Variants in PRMT5 observed in about 807,000 individuals in gnomAD.
PRMT5 encodes the protein protein arginine N-methyltransferase 5.
PRMT5 carries 15 observed loss-of-function variants against 84.0 expected under a neutral mutation model. That is an observed-to-expected ratio of 0.18 (90% confidence interval 0.12 to 0.28). The LOEUF is 0.28. Ranked by LOEUF, PRMT5 falls within the 10% of genes least tolerant of loss-of-function variation. The probability of loss-of-function intolerance (pLI) is 1.00; values close to 1 mark genes in which losing one functional copy is unlikely to be tolerated. For synonymous variants in PRMT5, 276 were observed against 292.4 expected (o/e 0.94, Z 0.57); for missense variants, 486 against 808.0 (o/e 0.60, Z 4.83).
In PRMT5 at chr14:22,924,738, G is replaced by C. The variant is rs1320206563; in HGVS notation, c.940-29C>G. 1.9e-6 allele frequency: 3 copies of C among 1,608,664 alleles called. No homozygotes were observed. In the Admixed American group the frequency reaches 5.0e-5, roughly 27 times the overall value. Reference sequence around the variant, plus strand: ...ATGAATGAGGAAAAGGACAAAGTTAGCCAGTTTCTGGCAAAGGACAATGCA... The same window carrying C: ...ATGAATGAGGAAAAGGACAAAGTTACCCAGTTTCTGGCAAAGGACAATGCA... On this transcript the variant is annotated intron_variant, in intron 8 of 16. Coordinates refer to ENST00000324366, the MANE Select transcript of PRMT5 (RefSeq NM_006109.5). This position sits in a 1 kb window ranked among gnomAD's most constrained non-coding sequence, Gnocchi z 6.5.
At chr14:22,922,584 G>T in intron 14 of PRMT5, 25 bp from the exon 15 acceptor site, 1 of 1,584,126 alleles carries the variant, frequency 6.3e-7, no homozygotes, top group South Asian at 1.1e-5. Context: ...TTATGTGGGT[G>T]ACAAGGGGCC....
chr14:22,925,095 T>C, intron 7 of PRMT5, 55 bp from the exon 8 acceptor site: 2 of 1,585,358 alleles, frequency 1.3e-6, no homozygotes, highest in South Asian at 1.1e-5. Context: ...TTCTGGAATA[T>C]TATGGTATAT....
rs2044461539 is a variant in PRMT5, at chr14:22,927,883, A to AT, written c.316-224dup. On this transcript the variant is annotated intron_variant, in intron 3 of 16. Coordinates refer to ENST00000324366, the MANE Select transcript of PRMT5 (RefSeq NM_006109.5). ...ACCACCATGCCTGGCTAATTTTTGT[A>AT]TATTTTATAGAGATGGGGTTTCACT... 2.6e-5 allele frequency among the ~76,000 whole-genome samples: 4 copies of AT among 151,498 alleles called. No homozygotes were observed. The South Asian group carries it at 8.4e-4, about 32-fold the overall frequency.
intron 6 of PRMT5, 67 bp downstream of exon 6, chr14:22,926,439 A>G (rs1265108882): frequency 6.2e-7 from 1 of 1,600,122 alleles, no homozygotes. Flanking sequence ...CTATATATGA[A>G]ATTCCTGATT....
rs1402305196 is a variant in PRMT5, at chr14:22,929,343, C to G, written c.19G>C (p.Gly7Arg). The G allele has an allele frequency of 6.2e-6, 10 of 1,609,682 alleles. No homozygotes were observed. Among genetic ancestry groups the G allele is most frequent in the Non-Finnish European group, 8.5e-6 (10 of 1,178,886 alleles). Residue 7 changes from glycine (G) to arginine (R), a missense_variant, in exon 1 of 17, where the codon GGG (glycine) becomes CGG (arginine). Gly to Arg is a moderately radical substitution (Grantham distance 125). This residue lies in a region of PRMT5 where 51 missense variants were observed against 53.8 expected (regional missense o/e 0.95). Transcript: ENST00000324366. MAAMAV[G>R]GAGGSRVSSG... is the part of the protein sequence containing the mutation. ...GACACGCGGCTCCCACCAGCACCCC[C>G]GACCGCCATCGCCGCCATCTTTCTC...
At position 22,928,970 on chromosome 14, in the gene PRMT5, C is replaced by T; in HGVS notation, c.110+282G>A. On this transcript the variant is annotated intron_variant, in intron 1 of 16. Transcript: ENST00000324366. The surrounding 1 kb of genome is among the most constrained non-coding windows in gnomAD (Gnocchi z 4.8). ...ATTAGCCTCTTCTCTCCCTTGCCCC[C>T]TAACACCTCCTCCCACTCCCAGACA... is the stretch of plus-strand genomic sequence containing the variant. The T allele has an allele frequency of 1.5e-6, 1 of 683,670 alleles. No homozygotes were observed. The highest frequency in any genetic ancestry group is 2.4e-6 in the Non-Finnish European group (1 of 410,660). The allele number at this position is 683,670 out of a possible 1,614,324, so 42.4% of individuals were successfully genotyped here.
intron 7 of PRMT5, among the ~76,000 whole-genome samples, chr14:22,925,599 C>G (rs911909039): frequency 8.6e-5 from 13 of 151,994 alleles, no homozygotes; most frequent in South Asian, 2.1e-4. Context: ...GCGGGTGGAT[C>G]ATTTGAGGTC....
At position 22,926,773 on chromosome 14, in the gene PRMT5, T is replaced by C; in HGVS notation, c.492A>G (p.Arg164=). 1 of 1,614,158 alleles carries C rather than the reference T, an allele frequency of 6.2e-7. No homozygotes were observed. The highest frequency in any genetic ancestry group is 8.5e-7 in the Non-Finnish European group (1 of 1,180,028). The change falls in exon 5 of 17, where the codon AGA becomes AGG. Residue 164 remains arginine, a synonymous_variant. Coordinates refer to ENST00000324366, the MANE Select transcript of PRMT5 (RefSeq NM_006109.5). ...RVPLVAPEDL[R]DDIIENAPTT... Reference sequence around the variant, plus strand: ...TTGGTGCATTCTCAATTATATCATCTCTCAGGTCCTCTGGTGCCACCAAGG... The same window carrying C: ...TTGGTGCATTCTCAATTATATCATCCCTCAGGTCCTCTGGTGCCACCAAGG...
Position 22,926,817 on chromosome 14 carries a change from G to A in PRMT5, c.451-3C>T. 2 of 1,600,190 alleles carry A rather than the reference G, an allele frequency of 1.2e-6. No individual in the cohort carries two copies. The highest frequency in any genetic ancestry group is 1.7e-6 in the Non-Finnish European group (2 of 1,167,226). ...ACCAAGGGTACCCGCATCCAGAACT[G>A]CACATGAACAGTCACCCTTTTAGAA... On this transcript the variant is annotated splice_polypyrimidine_tract_variant and splice_region_variant and intron_variant, in intron 4 of 16. Coordinates refer to ENST00000324366, the MANE Select transcript of PRMT5 (RefSeq NM_006109.5).
intron 16 of PRMT5, 84 bp from the exon 17 acceptor site, chr14:22,921,140 G>C: frequency 6.6e-7 from 1 of 1,518,902 alleles, no homozygotes; most frequent in Non-Finnish European, 9.0e-7. Flanking sequence ...GAGATAAAAT[G>C]ATAAACATGA....
In PRMT5 at chr14:22,924,183, C is replaced by T. The variant is rs2044364508; in HGVS notation, c.1200G>A (p.Thr400=). 1 of 1,609,962 alleles carries T rather than the reference C, an allele frequency of 6.2e-7. No individual in the cohort carries two copies. The highest frequency in any genetic ancestry group is 8.5e-7 in the Non-Finnish European group (1 of 1,177,632). ...ATTCTTCAAACTGCCAGTTCTCTAGCCTGAAACAGAGACAATAAGGTAAGG... is the reference window on the plus strand; with the variant it reads ...ATTCTTCAAACTGCCAGTTCTCTAGTCTGAAACAGAGACAATAAGGTAAGG... ...AVEKNPNAVV[T]LENWQFEEWG... The change falls in exon 12 of 17, where the codon ACG becomes ACA. Residue 400 remains threonine, a splice_region_variant and synonymous_variant. Coordinates refer to ENST00000324366, the MANE Select transcript of PRMT5 (RefSeq NM_006109.5). This position sits in a 1 kb window ranked among gnomAD's most constrained non-coding sequence, Gnocchi z 6.5.
Position 22,928,323 on chromosome 14 carries a change from A to G in PRMT5, c.230-112T>C, listed in dbSNP as rs376196139. Reference sequence around the variant, plus strand: ...GAAATGAGAGACAAAGGTTTTTTCTACATAGACATGGGATAGCCTGATGCA... The same window carrying G: ...GAAATGAGAGACAAAGGTTTTTTCTGCATAGACATGGGATAGCCTGATGCA... On this transcript the variant is annotated intron_variant, in intron 2 of 16. Coordinates refer to ENST00000324366, the MANE Select transcript of PRMT5 (RefSeq NM_006109.5). This position sits in a 1 kb window ranked among gnomAD's most constrained non-coding sequence, Gnocchi z 4.8. The G allele has an allele frequency of 3.1e-5, 40 of 1,283,352 alleles. 1 individual carries two copies. Among genetic ancestry groups the G allele is most frequent in the African/African-American group, 1.2e-4 (8 of 67,616 alleles). The allele number at this position is 1,283,352 out of a possible 1,614,324, so 79.5% of individuals were successfully genotyped here.
rs767693139 is a variant in PRMT5 at position 22,922,244 on chromosome 14, T to G, written c.1697-4A>C. 5.0e-6 allele frequency: 8 copies of G among 1,592,232 alleles called. No individual in the cohort carries two copies. The highest frequency in any genetic ancestry group is 6.0e-6 in the Non-Finnish European group (7 of 1,160,124). ...GAGTGAGTCTCTGGACGGATACCTG[T>G]GTGGACAAAATAATGAAAAAACAGA... On this transcript the variant is annotated splice_region_variant and splice_polypyrimidine_tract_variant and intron_variant, in intron 15 of 16. Coordinates refer to ENST00000324366, the MANE Select transcript of PRMT5 (RefSeq NM_006109.5).
chr14:22,927,580 G>T lies in PRMT5; in HGVS notation c.396C>A (p.Thr132=). The change falls in exon 4 of 17, where the codon ACC becomes ACA. Residue 132 remains threonine (T), a synonymous_variant. Transcript: ENST00000324366. ...GGTTGGTCAAAACTCTGGCCAGGTT[G>T]GTGTTATCTTCCTGATTAAGGGGCA... The part of the protein sequence containing the change: ...FLLPLNQEDN[T]NLARVLTNHI... The T allele has an allele frequency of 3.1e-6, 5 of 1,614,054 alleles. No individual in the cohort carries two copies. The highest frequency in any genetic ancestry group is 4.2e-6 in the Non-Finnish European group (5 of 1,180,002).
Position 22,924,567 on chromosome 14 carries a change from G to A in PRMT5, c.1018-30C>T. The A allele has an allele frequency of 6.2e-7, 1 of 1,613,158 alleles. No homozygotes were observed. Among genetic ancestry groups the A allele is most frequent in the Non-Finnish European group, 8.5e-7 (1 of 1,179,114 alleles). On this transcript the variant is annotated intron_variant, in intron 9 of 16. Coordinates refer to ENST00000324366, the MANE Select transcript of PRMT5 (RefSeq NM_006109.5). This position sits in a 1 kb window ranked among gnomAD's most constrained non-coding sequence, Gnocchi z 6.5. ...AGGGAGGAGAGAATATCCCATGGTT[G>A]TAATCCCATCCTCCCCAGGTCATGC...
At position 22,924,506 on chromosome 14, in the gene PRMT5, G is replaced by A. The variant is rs754402231; in HGVS notation, c.1049C>T (p.Pro350Leu). ...AIYKCLLDRVPEEEKDTNVQV... is the reference protein window; with the variant it reads ...AIYKCLLDRVLEEEKDTNVQV... Reference sequence around the variant, plus strand: ...GACATTGGTATCCTTCTCCTCTTCTGGTACTCGGTCTAGCAGACATTTATA... The same window carrying A: ...GACATTGGTATCCTTCTCCTCTTCTAGTACTCGGTCTAGCAGACATTTATA... Residue 350 changes from proline to leucine, a missense_variant, in exon 10 of 17, where the codon CCA (proline) becomes CTA (leucine). By Grantham distance (98) the Pro-to-Leu change is moderately conservative (BLOSUM62 -3). Coordinates refer to ENST00000324366, the MANE Select transcript of PRMT5 (RefSeq NM_006109.5). The surrounding 1 kb of genome is among the most constrained non-coding windows in gnomAD (Gnocchi z 6.5). The A allele has an allele frequency of 6.2e-7, 1 of 1,614,076 alleles. No individual in the cohort carries two copies. The highest frequency in any genetic ancestry group is 8.5e-7 in the Non-Finnish European group (1 of 1,179,974).
At chr14:22,927,789 C>T (rs910721687) in intron 3 of PRMT5, 129 bp from the exon 4 acceptor site, 5 of 1,141,202 alleles carry the variant, frequency 4.4e-6, no homozygotes, top group African/African-American at 3.2e-5. Context: ...CTCACTGCAG[C>T]CTTGACCTTC....
chr14:22,926,387 G>C, intron 6 of PRMT5, 91 bp from the exon 7 acceptor site: 1 of 1,591,156 alleles, frequency 6.3e-7, no homozygotes, highest in Non-Finnish European at 8.6e-7. Flanking sequence ...TTCTTTAAGA[G>C]AAAGCCAGTC....
At position 22,922,778 on chromosome 14, in the gene PRMT5, G is replaced by A. The variant is rs748954312; in HGVS notation, c.1543C>T (p.Pro515Ser). 3 of 1,614,024 alleles carry A rather than the reference G, an allele frequency of 1.9e-6. No homozygotes were observed. The South Asian group carries it at 3.3e-5, about 18-fold the overall frequency. The change falls in exon 14 of 17, where the codon CCC (proline) becomes TCC (serine). Residue 515 changes from proline (P) to serine (S), a missense_variant. Physicochemically the swap from Pro to Ser is moderately conservative, Grantham distance 74 (BLOSUM62 -1). This residue lies in a region of PRMT5 where 219 missense variants were observed against 433.6 expected (regional missense o/e 0.51). Transcript: ENST00000324366. ...RLHNFHQLSAPQPCFTFSHPN... is the reference protein window; with the variant it reads ...RLHNFHQLSASQPCFTFSHPN... Reference sequence around the variant, plus strand: ...TGGCTGAAGGTGAAACAGGGCTGGGGTGCAGAGAGCTGGTGGAAGTTGTGC... The same window carrying A: ...TGGCTGAAGGTGAAACAGGGCTGGGATGCAGAGAGCTGGTGGAAGTTGTGC...
Sources: gnomAD v4.1 joint callset for allele counts (sites outside exome capture counted in the v4.1 genomes callset) on GRCh38, gnomAD v4.1.1 for gene constraint, gnomAD v4.1.1 regional missense constraint, Gnocchi (gnomAD v3.1) non-coding constraint, MANE v1.5 for transcripts, NCBI Gene and HGNC (gene_info 2026-07-23, HGNC 2026-07-21) for gene names.